Variants in TICRR observed in about 807,000 individuals in gnomAD.
TICRR encodes the protein TOPBP1 interacting checkpoint and replication regulator, also known as treslin.
A neutral mutation model predicts 178.1 loss-of-function variants in TICRR; 132 were observed. That is an observed-to-expected ratio of 0.74 (90% CI 0.64 to 0.86). The LOEUF (loss-of-function observed/expected upper bound fraction) is 0.86. Among genes scored for constraint, TICRR ranks in the 40% least tolerant of loss-of-function variants. The pLI is 0.00. For synonymous variants in TICRR, 991 were observed against 900.7 expected (o/e 1.10, Z -1.79); for missense variants, 2,587 against 2,334.3 (o/e 1.11, Z -2.23).
intron 3 of TICRR, 79 bp from the exon 4 acceptor site, chr15:89,585,629 T>C: frequency 1.0e-6 from 1 of 963,900 alleles, no homozygotes; most frequent in Non-Finnish European, 1.6e-6. Context: ...AAAATGGTTA[T>C]TCTGTCTTTT....
intron 15 of TICRR, 169 bp downstream of exon 15, chr15:89,609,118 T>G: frequency 1.8e-6 from 1 of 552,804 alleles, no homozygotes; most frequent in East Asian, 4.1e-5. Flanking sequence ...TTTTTTTTTT[T>G]TTTTTTTTTT....
At chr15:89,597,663 G>T (rs1467485362) in intron 7 of TICRR, among the ~76,000 whole-genome samples, 2 of 152,102 alleles carry the variant, frequency 1.3e-5, no homozygotes, top group Non-Finnish European at 2.9e-5. Flanking sequence ...AGTCCTGAAG[G>T]TTGGTACTAT....
chr15:89,605,205 C>G (rs1963156749), intron 13 of TICRR, among the ~76,000 whole-genome samples: 1 of 152,168 alleles, frequency 6.6e-6, no homozygotes, highest in South Asian at 2.1e-4. Flanking sequence ...AACATCTATT[C>G]AGTTCTGCTA....
intron 19 of TICRR, among the ~76,000 whole-genome samples, chr15:89,621,856 C>T (rs184986588): frequency 6.6e-6 from 1 of 152,220 alleles, no homozygotes; most frequent in Admixed American, 6.5e-5. Context: ...GTGTGACACT[C>T]ATCTTTTCCG....
Position 89,585,960 on chromosome 15 carries a change from T to C in TICRR, c.1411+18T>C. On this transcript the variant is annotated intron_variant, in intron 4 of 21. Coordinates refer to ENST00000268138, the MANE Select transcript of TICRR (RefSeq NM_152259.4). ...TTCTGCTGGTAAGCTCCTAAACTAG[T>C]AACTAACAGAGTCTAGGGTGGTTTG... 6.3e-7 allele frequency: 1 copy of C among 1,599,352 alleles called. No homozygotes were observed. The highest frequency in any genetic ancestry group is 8.6e-7 in the Non-Finnish European group (1 of 1,166,862).
rs114722373 is a variant in TICRR, at chr15:89,619,584, A to G, written c.3020-124A>G. 1,101 of 1,004,682 alleles carry G rather than the reference A, an allele frequency of 1.1e-3. 6 individuals carry two copies. The African/African-American group carries it at 0.015, about 14-fold the overall frequency. The allele number at this position is 1,004,682 out of a possible 1,614,324, so 62.2% of individuals were successfully genotyped here. ...GACACTTCAGAAGTCTCTTAAAGCT[A>G]ATAGCTTGCTGAATTTCCATCTTAT... is the stretch of plus-strand genomic sequence containing the variant. On this transcript the variant is annotated intron_variant, in intron 17 of 21. Coordinates refer to ENST00000268138, the MANE Select transcript of TICRR (RefSeq NM_152259.4).
chr15:89,600,765 C>A, intron 9 of TICRR, 80 bp downstream of exon 9: 3 of 661,870 alleles, frequency 4.5e-6, no homozygotes, highest in Middle Eastern at 3.1e-4. Context: ...ATAGATTGTT[C>A]GTGACATGGT....
At chr15:89,576,813 GTGTGTGTGTA>G (rs1962624087) in intron 1 of TICRR, among the ~76,000 whole-genome samples, 14 of 8,878 alleles carry the variant, frequency 1.6e-3, no homozygotes, top group South Asian at 4.2e-3. Context: ...GTGTGTGTAT[GTGTGTGTGTA>G]TATATATATA....
At chr15:89,601,619 A>G (rs1212294980) in intron 11 of TICRR, 51 bp downstream of exon 11, 3 of 1,608,936 alleles carry the variant, frequency 1.9e-6, no homozygotes, top group South Asian at 2.2e-5. Context: ...GTCAAAACCT[A>G]TGTATGGTGT....
chr15:89,578,545 ACTTT>A (rs547902314), intron 1 of TICRR, among the ~76,000 whole-genome samples: 45 of 152,330 alleles, frequency 3.0e-4, no homozygotes, highest in Non-Finnish European at 5.6e-4. Flanking sequence ...CACATCAAAG[ACTTT>A]CTTCTGGAAT....
intron 15 of TICRR, among the ~76,000 whole-genome samples, chr15:89,609,944 TGTTTTC>T (rs1963233172): frequency 1.3e-5 from 2 of 152,218 alleles, no homozygotes; most frequent in Non-Finnish European, 2.9e-5. Flanking sequence ...GATTTGTTTT[TGTTTTC>T]ATCATCTCAA....
At position 89,594,542 on chromosome 15, in the gene TICRR, A is replaced by G. The variant is rs199535151; in HGVS notation, c.1669A>G (p.Ser557Gly). 1.8e-5 allele frequency: 28 copies of G among 1,598,850 alleles called. No individual in the cohort carries two copies. The Admixed American group carries it at 4.9e-4, about 28-fold the overall frequency. Reference protein sequence around the residue: ...EESTIAHQEDSKKKRGVPRTP... With the variant: ...EESTIAHQEDGKKKRGVPRTP... ...ATCCACTATAGCTCATCAAGAAGAC[A>G]GCAAAAAGAAACGTATGTACCTAGA... The change falls in exon 6 of 22, where the codon AGC becomes GGC. Residue 557 changes from serine (S) to glycine (G), a missense_variant. Ser to Gly is a moderately conservative substitution (Grantham distance 56). Transcript: ENST00000268138.
chr15:89,586,697 A>G (rs1567041212), intron 4 of TICRR, among the ~76,000 whole-genome samples: 1 of 152,204 alleles, frequency 6.6e-6, no homozygotes. Flanking sequence ...GCATGAAGGA[A>G]GTGATGGCAG....
intron 19 of TICRR, among the ~76,000 whole-genome samples, chr15:89,621,801 T>G (rs1390594749): frequency 6.6e-6 from 1 of 152,130 alleles, no homozygotes; most frequent in African/African-American, 2.4e-5. Context: ...CTCTTGGCTT[T>G]GTCTACTGTT....
intron 15 of TICRR, among the ~76,000 whole-genome samples, chr15:89,612,697 G>C (rs1963273535): frequency 6.6e-6 from 1 of 152,130 alleles, no homozygotes; most frequent in Admixed American, 6.5e-5. Flanking sequence ...TAGTTATTTG[G>C]GTTGAGGGAC....
rs768534166 is a variant in TICRR, at chr15:89,575,742, G to A, written c.156G>A (p.Ser52=). Residue 52 remains serine, a synonymous_variant, in exon 1 of 22, where the codon TCG becomes TCA. Coordinates refer to ENST00000268138, the MANE Select transcript of TICRR (RefSeq NM_152259.4). ...ACTGGGCCTTCAAGTTCTTTGACTC[G>A]CAGGGGGCGCGGAGCCGGCCGTCCC... ...RVHWAFKFFD[S]QGARSRPSRV... The A allele has an allele frequency of 6.2e-7, 1 of 1,609,664 alleles. No individual in the cohort carries two copies. Among genetic ancestry groups the A allele is most frequent in the Non-Finnish European group, 8.5e-7 (1 of 1,178,944 alleles).
Position 89,601,320 on chromosome 15 carries a change from C to T in TICRR, c.2176C>T (p.Arg726Cys), listed in dbSNP as rs767472162. The change falls in exon 10 of 22, where the codon CGT (arginine) becomes TGT (cysteine). Residue 726 changes from arginine (R) to cysteine (C), a missense_variant. By Grantham distance (180) the Arg-to-Cys change is radical. Transcript: ENST00000268138. ...AAGGTGCCAGCTTCAGGTATTTCTT[C>T]GTTTGGAGATGTGTCTGCAATGCCC... The part of the protein sequence containing the change: ...VRECQLQVFL[R>C]LEMCLQCPSI... 1.2e-6 allele frequency: 2 copies of T among 1,613,994 alleles called. No homozygotes were observed. The highest frequency in any genetic ancestry group is 1.1e-5 in the South Asian group (1 of 91,060).
chr15:89,576,631 G>A (rs1291308839), intron 1 of TICRR, among the ~76,000 whole-genome samples: 1 of 151,854 alleles, frequency 6.6e-6, no homozygotes, highest in East Asian at 1.9e-4. Context: ...TACCCTTTAA[G>A]GCTTCTTCTC....
In TICRR at chr15:89,621,982, CTTTTTTT is replaced by C. The variant is rs34123859; in HGVS notation, c.3312+447_3312+453del. 6.2e-4 allele frequency among the ~76,000 whole-genome samples: 54 copies of C among 87,744 alleles called. 2 individuals carry two copies. The highest frequency in any genetic ancestry group is 1.3e-4 in the Admixed American group (1 of 7,410). 57.6% of individuals were successfully genotyped at this position (87,744 alleles called of 152,430 possible). ...TGCCCATTTTATTTACAAACTGACT[CTTTTTTT>C]TTTTTTTTTTTTTTGGAGACAGAGT... On this transcript the variant is annotated intron_variant, in intron 19 of 21. Coordinates refer to ENST00000268138, the MANE Select transcript of TICRR (RefSeq NM_152259.4).
Sources: allele counts gnomAD v4.1 joint callset (sites outside exome capture counted in the v4.1 genomes callset), GRCh38; gene constraint gnomAD v4.1.1; transcripts MANE v1.5; gene names NCBI Gene and HGNC (gene_info 2026-07-23, HGNC 2026-07-21).